Variants in PLD5 observed in about 807,000 individuals in gnomAD.
The protein encoded by PLD5 is inactive phospholipase D5.
In PLD5, 36 loss-of-function variants were observed where a neutral mutation model predicts 61.1. That is an observed-to-expected ratio of 0.59 (90% CI 0.45 to 0.78). The LOEUF (loss-of-function observed/expected upper bound fraction) is 0.78. Ranked by LOEUF, PLD5 falls within the 30% of genes least tolerant of loss-of-function variation. PLD5 has a pLI of 0.00. For missense variants in PLD5, 515 were observed against 644.4 expected, an observed-to-expected ratio of 0.80 and a Z score of 2.17; for synonymous variants, 243 against 242.8, an observed-to-expected ratio of 1.00 and a Z score of -0.01.
intron 5 of PLD5, among the ~76,000 whole-genome samples, chr1:242,145,153 G>C (rs1380041476): frequency 6.6e-6 from 1 of 152,124 alleles, no homozygotes; most frequent in East Asian, 1.9e-4. Flanking sequence ...GCAGCTCCAG[G>C]ATCCACACCC....
At chr1:242,450,473 C>T (rs545938111) in intron 1 of PLD5, among the ~76,000 whole-genome samples, 5 of 152,230 alleles carry the variant, frequency 3.3e-5, no homozygotes, top group South Asian at 4.1e-4. Context: ...ATTCCTTTTG[C>T]TTGGAGCCTG....
intron 1 of PLD5, among the ~76,000 whole-genome samples, chr1:242,384,881 A>G (rs895305362): frequency 6.6e-6 from 1 of 152,246 alleles, no homozygotes; most frequent in Admixed American, 6.5e-5. Flanking sequence ...CATGCAAAAA[A>G]TTGTTCATAT....
chr1:242,523,587 A>G (rs531791919), intron 1 of PLD5, among the ~76,000 whole-genome samples: 1 of 152,194 alleles, frequency 6.6e-6, no homozygotes, highest in African/African-American at 2.4e-5. Flanking sequence ...CCCAGCGGAC[A>G]CTCTGCAAAA....
intron 4 of PLD5, among the ~76,000 whole-genome samples, chr1:242,244,510 G>A (rs1045454472): frequency 6.6e-6 from 1 of 152,216 alleles, no homozygotes; most frequent in Non-Finnish European, 1.5e-5. Context: ...ACATTCACTT[G>A]GCCAAGTATT....
intron 1 of PLD5, among the ~76,000 whole-genome samples, chr1:242,475,422 CAA>C (rs5782239): frequency 2.7e-3 from 248 of 91,470 alleles, no homozygotes; most frequent in African/African-American, 9.7e-3. Context: ...GACTCCGTCT[CAA>C]AAAAAAAAAA....
intron 1 of PLD5, among the ~76,000 whole-genome samples, chr1:242,500,137 T>C (rs913916834): frequency 1.4e-4 from 21 of 152,152 alleles, no homozygotes; most frequent in African/African-American, 4.3e-4. Context: ...GCTTTTGTCA[T>C]AGTACATTGG....
intron 1 of PLD5, among the ~76,000 whole-genome samples, chr1:242,378,059 A>G (rs959423609): frequency 5.3e-5 from 8 of 152,246 alleles, no homozygotes; most frequent in African/African-American, 9.6e-5. Context: ...AAACAGAGAA[A>G]TGTACAACAA....
intron 1 of PLD5, among the ~76,000 whole-genome samples, chr1:242,514,321 C>G (rs543742944): frequency 5.3e-5 from 8 of 152,318 alleles, no homozygotes; most frequent in African/African-American, 1.9e-4. Context: ...CTACAACTGG[C>G]AGCTCTTCCT....
At chr1:242,227,194 A>T (rs955570123) in intron 4 of PLD5, among the ~76,000 whole-genome samples, 11 of 152,094 alleles carry the variant, frequency 7.2e-5, no homozygotes, top group African/African-American at 2.7e-4. Context: ...TTATAGTCAG[A>T]TTTCAGAGTC....
chr1:242,382,850 G>T (rs952354089), intron 1 of PLD5, among the ~76,000 whole-genome samples: 1 of 152,074 alleles, frequency 6.6e-6, no homozygotes, highest in African/African-American at 2.4e-5. Flanking sequence ...AAATATTGAT[G>T]GTTATTAATT....
At chr1:242,141,602 C>T (rs1329879796) in intron 5 of PLD5, among the ~76,000 whole-genome samples, 11 of 151,912 alleles carry the variant, frequency 7.2e-5, no homozygotes, top group Admixed American at 4.6e-4. Context: ...TGTGTTTTTA[C>T]GTCTGTTTTG....
At chr1:242,219,344 A>T (rs114130283) in intron 5 of PLD5, among the ~76,000 whole-genome samples, 1,714 of 152,206 alleles carry the variant, frequency 0.011, 39 homozygotes, top group African/African-American at 0.04. Flanking sequence ...GGAGAGGAAG[A>T]GGAGGGGAGT....
At chr1:242,142,697 G>A (rs1364796260) in intron 5 of PLD5, among the ~76,000 whole-genome samples, 1 of 149,394 alleles carries the variant, frequency 6.7e-6, no homozygotes, top group African/African-American at 2.5e-5. Flanking sequence ...AATGCTGTAA[G>A]GTGTAGAGCT....
chr1:242,367,625 C>A (rs1407089314), intron 1 of PLD5, among the ~76,000 whole-genome samples: 2 of 152,170 alleles, frequency 1.3e-5, no homozygotes, highest in East Asian at 1.9e-4. Flanking sequence ...ATGCACAACC[C>A]TCATCCAGAG....
intron 1 of PLD5, among the ~76,000 whole-genome samples, chr1:242,405,003 CTGAG>C (rs1054435548): frequency 2.6e-5 from 4 of 151,214 alleles, no homozygotes; most frequent in Non-Finnish European, 2.9e-5. Flanking sequence ...CCTCAGCCTC[CTGAG>C]TAACTGGGAT....
intron 3 of PLD5, among the ~76,000 whole-genome samples, chr1:242,277,267 ACAAT>A (rs1326961783): frequency 6.6e-6 from 1 of 152,182 alleles, no homozygotes; most frequent in African/African-American, 2.4e-5. Context: ...CAATGCTTCC[ACAAT>A]CACTTATTCC....
chr1:242,473,649 C>T (rs779258277), intron 1 of PLD5, among the ~76,000 whole-genome samples: 8 of 151,932 alleles, frequency 5.3e-5, no homozygotes, highest in African/African-American at 7.3e-5. Flanking sequence ...AGTGTATACA[C>T]GAAGGACTGT....
intron 1 of PLD5, among the ~76,000 whole-genome samples, chr1:242,437,928 G>T (rs573112207): frequency 6.6e-6 from 1 of 152,154 alleles, no homozygotes; most frequent in Non-Finnish European, 1.5e-5. Context: ...TATAAGATCC[G>T]GAGTTGTTAA....
At chr1:242,335,511 C>T (rs551444029) in intron 2 of PLD5, among the ~76,000 whole-genome samples, 65 of 152,242 alleles carry the variant, frequency 4.3e-4, no homozygotes, top group African/African-American at 1.2e-3. Flanking sequence ...AGTCAAAATA[C>T]GATAGTTGAC....
Sources: gnomAD v4.1 joint callset for allele counts (sites outside exome capture counted in the v4.1 genomes callset) on GRCh38, gnomAD v4.1.1 for gene constraint, MANE v1.5 for transcripts, NCBI Gene and HGNC (gene_info 2026-07-23, HGNC 2026-07-21) for gene names.